SETX: variants seen among roughly 807,000 people sequenced by gnomAD.
SETX encodes the protein senataxin, also known as helicase senataxin.
In SETX, 90 loss-of-function variants were observed where a neutral mutation model predicts 227.2. The observed-to-expected ratio is 0.40, with a 90% confidence interval of 0.33 to 0.47. The LOEUF is 0.47. SETX is among the 20% of genes least tolerant of loss of function. The pLI, the probability that SETX is intolerant of heterozygous loss-of-function variation, is 0.91. For missense variants in SETX, 3,052 were observed against 3,181.5 expected (o/e 0.96, Z 0.98); for synonymous variants, 1,210 against 1,113.2 (o/e 1.09, Z -1.73).
rs747251506 is a variant in SETX at position 132,336,279 on chromosome 9, G to T, written c.718+17C>A. The T allele has an allele frequency of 6.3e-6, 10 of 1,576,438 alleles. No individual in the cohort carries two copies. Among genetic ancestry groups the T allele is most frequent in the Middle Eastern group, 1.7e-4 (1 of 5,994 alleles). Reference sequence around the variant, plus strand: ...ATACGAAAATACCAATTATATTAGTGTAGGAATAATACTCACCTAACCAAT... The same window carrying T: ...ATACGAAAATACCAATTATATTAGTTTAGGAATAATACTCACCTAACCAAT... On this transcript the variant is annotated intron_variant, in intron 6 of 25. Transcript: ENST00000224140.
At position 132,275,862 on chromosome 9, in the gene SETX, C is replaced by T. The variant is rs147528834; in HGVS notation, c.6936-442G>A. Among the ~76,000 whole-genome samples the T allele has an allele frequency of 8.0e-3, 1,213 of 152,286 alleles. 5 individuals carry two copies. The highest frequency in any genetic ancestry group is 0.012 in the Non-Finnish European group (836 of 68,036). On this transcript the variant is annotated intron_variant, in intron 22 of 25. Coordinates refer to ENST00000224140, the MANE Select transcript of SETX (RefSeq NM_015046.7). Reference sequence around the variant, plus strand: ...TTTACATGTATGATCTTCCTTGTCCCTCACCACTGGCTGCATACAACACAC... The same window carrying T: ...TTTACATGTATGATCTTCCTTGTCCTTCACCACTGGCTGCATACAACACAC...
At position 132,342,741 on chromosome 9, in the gene SETX, C is replaced by A; in HGVS notation, c.447G>T (p.Val149=). The A allele has an allele frequency of 6.2e-7, 1 of 1,614,102 alleles. No homozygotes were observed. Among genetic ancestry groups the A allele is most frequent in the Non-Finnish European group, 8.5e-7 (1 of 1,180,008 alleles). Residue 149 remains valine (V), a synonymous_variant, in exon 5 of 26, where the codon GTG becomes GTT. Coordinates refer to ENST00000224140, the MANE Select transcript of SETX (RefSeq NM_015046.7). ...RMEQANCSFQ[V]FDKHPGIYLF... is the part of the protein sequence containing the mutation. The stretch of plus-strand genomic sequence containing the variant: ...AATAGATCCCTGGATGTTTATCAAA[C>A]ACCTGAAAGGAGCAATTGGCTTGTT...
Position 132,346,282 on chromosome 9 carries a change from A to G in SETX, c.367T>C (p.Leu123=). 1 of 1,613,872 alleles carries G rather than the reference A, an allele frequency of 6.2e-7. No homozygotes were observed. Among genetic ancestry groups the G allele is most frequent in the South Asian group, 1.1e-5 (1 of 91,078 alleles). The stretch of plus-strand genomic sequence containing the variant: ...TCACTAACACGTTCATGTAGAAGCA[A>G]GTAAGGATATTTCAGTATTTCAAGA... ...PLLEILKYPY[L]LLHERVNELC... is the part of the protein sequence containing the mutation. Residue 123 remains leucine (L), a synonymous_variant, in exon 4 of 26, where the codon TTG becomes CTG. Coordinates refer to ENST00000224140, the MANE Select transcript of SETX (RefSeq NM_015046.7).
intron 3 of SETX, 42 bp from the exon 4 acceptor site, chr9:132,346,513 A>G: frequency 7.3e-7 from 1 of 1,364,806 alleles, no homozygotes; most frequent in Non-Finnish European, 1.0e-6. Flanking sequence ...ATGTCTTATC[A>G]TCAACAAAAT....
intron 15 of SETX, among the ~76,000 whole-genome samples, chr9:132,290,767 C>A (rs1844248088): frequency 1.3e-5 from 2 of 151,780 alleles, no homozygotes; most frequent in Admixed American, 1.3e-4. Context: ...GTGGTGGCCT[C>A]CCCCTGTGGT....
chr9:132,291,159 C>CTTTTT (rs139976052), intron 15 of SETX, among the ~76,000 whole-genome samples: 112 of 83,788 alleles, frequency 1.3e-3, no homozygotes, highest in Non-Finnish European at 1.7e-3. Context: ...GTTTGAAAAC[C>CTTTTT]TTTTTTTTTT....
chr9:132,263,091 A>G lies in SETX; in HGVS notation c.*1148T>C, dbSNP rs138991890. On this transcript the variant is annotated 3_prime_UTR_variant, in exon 26 of 26. Coordinates refer to ENST00000224140, the MANE Select transcript of SETX (RefSeq NM_015046.7). ...GAAACACCTATCAGATATTCTAAACAGCATGTATTTTTACCAGGTAGATGA... is the reference window on the plus strand; with the variant it reads ...GAAACACCTATCAGATATTCTAAACGGCATGTATTTTTACCAGGTAGATGA... 15 of 152,382 alleles carry G rather than the reference A, an allele frequency of 9.8e-5. No individual in the cohort carries two copies. Among genetic ancestry groups the G allele is most frequent in the Non-Finnish European group, 2.2e-4 (15 of 68,036 alleles). The allele number at this position is 152,382 out of a possible 1,614,324, so 9.4% of individuals were successfully genotyped here.
Position 132,262,283 on chromosome 9 carries a change from A to G in SETX, c.*1956T>C, listed in dbSNP as rs963450886. 6.6e-6 allele frequency: 1 copy of G among 152,346 alleles called. No individual in the cohort carries two copies. 9.4% of individuals were successfully genotyped at this position (152,346 alleles called of 1,614,324 possible). A position where few individuals can be genotyped will look rare whatever the true frequency, so the allele number is the denominator to read the frequency against. ...CAAATCATGTGTTAATAGTATTAAC[A>G]TGAGCAGCGTGAGAGACATCCTGAC... is the stretch of plus-strand genomic sequence containing the variant. On this transcript the variant is annotated 3_prime_UTR_variant, in exon 26 of 26. Transcript: ENST00000224140.
At chr9:132,334,321 G>A (rs141530119) in intron 7 of SETX, among the ~76,000 whole-genome samples, 22 of 152,272 alleles carry the variant, frequency 1.4e-4, no homozygotes, top group Middle Eastern at 3.4e-3. Flanking sequence ...GGTGGTGCAC[G>A]CCTGTAGTCC....
At chr9:132,346,533 G>T (rs1018936374) in intron 3 of SETX, 62 bp from the exon 4 acceptor site, 5 of 1,180,390 alleles carry the variant, frequency 4.2e-6, no homozygotes. Flanking sequence ...TACACTGAAT[G>T]TGACGACCTA....
At position 132,281,252 on chromosome 9, in the gene SETX, T is replaced by C. The variant is rs3736997; in HGVS notation, c.6654+215A>G. On this transcript the variant is annotated intron_variant, in intron 20 of 25. Transcript: ENST00000224140. ...CTAGGCTTCCAAGTCCCTGCCACAC[T>C]GCTTCTGCCACACATACACAGAAGA... Among the ~76,000 whole-genome samples the C allele has an allele frequency of 0.19, 28,467 of 152,128 alleles. 3,442 individuals are homozygous for C. The highest frequency in any genetic ancestry group is 0.43 in the East Asian group (2,235 of 5,170).
At chr9:132,309,675 T>C (rs905225508) in intron 11 of SETX, among the ~76,000 whole-genome samples, 2 of 151,644 alleles carry the variant, frequency 1.3e-5, no homozygotes, top group African/African-American at 2.4e-5. Flanking sequence ...ACCCCATCTC[T>C]ATATTTAAGA....
chr9:132,299,681 C>T (rs941940030), intron 12 of SETX, among the ~76,000 whole-genome samples: 23 of 152,270 alleles, frequency 1.5e-4, no homozygotes, highest in African/African-American at 5.5e-4. Flanking sequence ...ACAATGTGGA[C>T]TTTGCAGTCA....
At chr9:132,334,311 G>A (rs1018727655) in intron 7 of SETX, among the ~76,000 whole-genome samples, 8 of 152,124 alleles carry the variant, frequency 5.3e-5, no homozygotes, top group African/African-American at 1.9e-4. Flanking sequence ...AGCTGGGCGT[G>A]GTGGTGCACG....
chr9:132,325,932 T>TAAAA (rs1305318477), intron 10 of SETX, among the ~76,000 whole-genome samples: 1 of 73,984 alleles, frequency 1.4e-5, no homozygotes. Context: ...AAACTCCACC[T>TAAAA]AAAAAAAAAA....
intron 2 of SETX, among the ~76,000 whole-genome samples, chr9:132,352,427 T>C (rs777928457): frequency 2.0e-5 from 3 of 152,160 alleles, no homozygotes; most frequent in Non-Finnish European, 4.4e-5. Context: ...ACTGCCTAGA[T>C]TGAAGCTGCC....
intron 10 of SETX, among the ~76,000 whole-genome samples, chr9:132,322,307 G>C (rs1225300649): frequency 6.6e-6 from 1 of 152,010 alleles, no homozygotes; most frequent in Non-Finnish European, 1.5e-5. Context: ...TTACTATGCT[G>C]TGCAACCATC....
At chr9:132,291,186 A>G (rs1473804833) in intron 15 of SETX, among the ~76,000 whole-genome samples, 1 of 45,564 alleles carries the variant, frequency 2.2e-5, no homozygotes, top group Non-Finnish European at 4.0e-5. Flanking sequence ...TTTTTTTTTG[A>G]GACGGAGTCT....
At chr9:132,281,003 T>C (rs183996264) in intron 20 of SETX, among the ~76,000 whole-genome samples, 1 of 152,164 alleles carries the variant, frequency 6.6e-6, no homozygotes, top group Non-Finnish European at 1.5e-5. Flanking sequence ...AAAATGGAAA[T>C]GTACTCCAAA....
Sources: gnomAD v4.1 joint callset for allele counts (sites outside exome capture counted in the v4.1 genomes callset) on GRCh38, gnomAD v4.1.1 for gene constraint, MANE v1.5 for transcripts, NCBI Gene and HGNC (gene_info 2026-07-23, HGNC 2026-07-21) for gene names.